POLR3B: variants seen among roughly 807,000 people sequenced by gnomAD.
POLR3B encodes RNA polymerase III subunit B.
POLR3B carries 96 observed loss-of-function variants against 147.4 expected under a neutral mutation model. The ratio of observed to expected loss-of-function variants is 0.65; its 90% confidence interval spans 0.55 to 0.77. POLR3B has a LOEUF of 0.77. Among genes scored for constraint, POLR3B ranks in the 30% least tolerant of loss-of-function variants. The pLI, the probability that POLR3B is intolerant of heterozygous loss-of-function variation, is 0.00. For missense variants in POLR3B, 1,036 were observed against 1,413.5 expected, an observed-to-expected ratio of 0.73 and a Z score of 4.28; for synonymous variants, 461 against 485.9, an observed-to-expected ratio of 0.95 and a Z score of 0.67.
At chr12:106,399,510 C>A (rs528990504) in intron 10 of POLR3B, among the ~76,000 whole-genome samples, 1 of 152,130 alleles carries the variant, frequency 6.6e-6, no homozygotes, top group Non-Finnish European at 1.5e-5. Flanking sequence ...AGAGCAACTC[C>A]AAGACGCATA....
Position 106,504,215 on chromosome 12 carries a change from A to G in POLR3B, c.3233A>G (p.Asp1078Gly), listed in dbSNP as rs758792141. The G allele has an allele frequency of 6.2e-7, 1 of 1,614,088 alleles. No homozygotes were observed. Among genetic ancestry groups the G allele is most frequent in the East Asian group, 2.2e-5 (1 of 44,884 alleles). ...ATTTCAAGTGATGCCTTTGAGGTTG[A>G]TGTCTGTGGGCAGTGTGGACTTCTG... ...LMISSDAFEV[D>G]VCGQCGLLGY... Residue 1078 changes from aspartate to glycine, a missense_variant, in exon 27 of 28, where the codon GAT becomes GGT. Transcript: ENST00000228347. This position sits in a 1 kb window ranked among gnomAD's most constrained non-coding sequence, Gnocchi z 4.6.
intron 6 of POLR3B, among the ~76,000 whole-genome samples, chr12:106,372,639 C>G (rs900836773): frequency 3.3e-5 from 5 of 152,086 alleles, no homozygotes; most frequent in African/African-American, 1.2e-4. Flanking sequence ...CCATGCGTGG[C>G]CAATATCCAT....
intron 26 of POLR3B, among the ~76,000 whole-genome samples, chr12:106,501,808 A>G (rs953484461): frequency 6.6e-6 from 1 of 152,236 alleles, no homozygotes; most frequent in Non-Finnish European, 1.5e-5. Context: ...CAGAAGACAC[A>G]TGCAGACATT....
chr12:106,458,104 G>C (rs1183414769), intron 21 of POLR3B, among the ~76,000 whole-genome samples: 3 of 152,014 alleles, frequency 2.0e-5, no homozygotes, highest in African/African-American at 2.4e-5. Context: ...AACCATGTTA[G>C]TATTGTCTTT....
At chr12:106,428,048 T>G in intron 13 of POLR3B, among the ~76,000 whole-genome samples, 1 of 152,236 alleles carries the variant, frequency 6.6e-6, no homozygotes, top group South Asian at 2.1e-4. Flanking sequence ...GCAAACTTGC[T>G]TCAATACTTG....
At chr12:106,420,212 ACGGGG>A in intron 12 of POLR3B, among the ~76,000 whole-genome samples, 1 of 152,154 alleles carries the variant, frequency 6.6e-6, no homozygotes, top group Non-Finnish European at 1.5e-5. Flanking sequence ...GCAGTGGGGC[ACGGGG>A]GTAGGGATGG....
At position 106,498,100 on chromosome 12, in the gene POLR3B, A is replaced by G. The variant is rs971314453; in HGVS notation, c.2984+1182A>G. On this transcript the variant is annotated intron_variant, in intron 25 of 27. Coordinates refer to ENST00000228347, the MANE Select transcript of POLR3B (RefSeq NM_018082.6). The stretch of plus-strand genomic sequence containing the variant: ...ACAAGTACATATAGCTCTCACCAAA[A>G]TGAAGACAGAGTGGGTGAGAAGGCC... Among the ~76,000 whole-genome samples, 14 of 152,344 alleles carry G rather than the reference A, an allele frequency of 9.2e-5. No individual in the cohort carries two copies. The East Asian group carries it at 2.7e-3, about 29-fold the overall frequency.
chr12:106,447,003 C>T (rs1042714600), intron 19 of POLR3B, among the ~76,000 whole-genome samples: 1 of 152,154 alleles, frequency 6.6e-6, no homozygotes, highest in Admixed American at 6.6e-5. Flanking sequence ...TTCTCTGGAT[C>T]GTTTTAATTC....
chr12:106,455,089 A>G (rs1286466720), intron 20 of POLR3B, among the ~76,000 whole-genome samples: 1 of 152,236 alleles, frequency 6.6e-6, no homozygotes, highest in African/African-American at 2.4e-5. Flanking sequence ...TTGAGAGGGC[A>G]GTAGCAATAT....
At chr12:106,429,160 C>T (rs1391482672) in intron 13 of POLR3B, among the ~76,000 whole-genome samples, 1 of 152,116 alleles carries the variant, frequency 6.6e-6, no homozygotes, top group Non-Finnish European at 1.5e-5. Context: ...GTCTGCTTTG[C>T]TCTTTTTGCT....
chr12:106,376,406 CGCCAGCAGAATTT>C lies in POLR3B; in HGVS notation c.457_469del (p.Ala153AsnfsTer2). On this transcript the variant is annotated frameshift_variant, in exon 7 of 28. Transcript: ENST00000228347. LOFTEE classifies it high-confidence loss of function. ...TCAAACTGTGTTCTTACAGGAAAAA[CGCCAGCAGAATTT>C]GCCAAACTGAACGAATGTCCCTTAG... 1 of 1,613,572 alleles carries C rather than the reference CGCCAGCAGAATTT, an allele frequency of 6.2e-7. No homozygotes were observed. The highest frequency in any genetic ancestry group is 8.5e-7 in the Non-Finnish European group (1 of 1,179,788).
chr12:106,500,137 T>C (rs2038574394), intron 25 of POLR3B: 1 of 456,050 alleles, frequency 2.2e-6, no homozygotes, highest in Non-Finnish European at 4.4e-6. Flanking sequence ...TCTTCCTCCC[T>C]GGATCGTTGT....
intron 1 of POLR3B, among the ~76,000 whole-genome samples, chr12:106,360,863 T>C (rs2036460486): frequency 6.6e-6 from 1 of 152,184 alleles, no homozygotes; most frequent in South Asian, 2.1e-4. Flanking sequence ...TGTAAGCAAG[T>C]GGAATAACAT....
chr12:106,478,467 A>C (rs1029575855), intron 23 of POLR3B, among the ~76,000 whole-genome samples: 16 of 151,770 alleles, frequency 1.1e-4, no homozygotes, highest in Non-Finnish European at 2.2e-4. Context: ...TCCTGGGTCT[A>C]GCTGACCTTT....
chr12:106,388,770 A>G (rs10861593), intron 9 of POLR3B, among the ~76,000 whole-genome samples: 1 of 152,048 alleles, frequency 6.6e-6, no homozygotes, highest in Non-Finnish European at 1.5e-5. Context: ...ATATTTTAAG[A>G]AGTTATTTCC....
At chr12:106,435,386 C>T (rs1169821877) in intron 16 of POLR3B, among the ~76,000 whole-genome samples, 1 of 152,010 alleles carries the variant, frequency 6.6e-6, no homozygotes, top group Non-Finnish European at 1.5e-5. Flanking sequence ...CTCAAGTGAT[C>T]CACCCACCTC....
intron 23 of POLR3B, among the ~76,000 whole-genome samples, chr12:106,485,776 G>T (rs1489607641): frequency 6.6e-6 from 1 of 152,184 alleles, no homozygotes; most frequent in Non-Finnish European, 1.5e-5. Context: ...GAGATGATTA[G>T]ACTCCAAGTG....
At chr12:106,384,514 C>T (rs530970300) in intron 9 of POLR3B, among the ~76,000 whole-genome samples, 61 of 152,286 alleles carry the variant, frequency 4.0e-4, no homozygotes, top group Non-Finnish European at 5.4e-4. Flanking sequence ...AATCACCCAG[C>T]GCACATATTC....
intron 19 of POLR3B, chr12:106,446,341 T>C (rs764561394): frequency 2.4e-6 from 1 of 420,230 alleles, no homozygotes; most frequent in South Asian, 1.8e-5. Context: ...CTCTATGTAG[T>C]GAAGCTTTTT....
Sources: allele counts gnomAD v4.1 joint callset (sites outside exome capture counted in the v4.1 genomes callset), GRCh38; gene constraint gnomAD v4.1.1; non-coding constraint Gnocchi (gnomAD v3.1); transcripts MANE v1.5; gene names NCBI Gene and HGNC (gene_info 2026-07-23, HGNC 2026-07-21).